Variants in ETV3 observed in about 807,000 individuals in gnomAD.
ETV3 encodes the protein ETS translocation variant 3.
ETV3 carries 8 observed loss-of-function variants against 33.0 expected under a neutral mutation model. The ratio of observed to expected loss-of-function variants is 0.24; its 90% CI spans 0.14 to 0.44. The LOEUF is 0.44. Ranked by LOEUF, ETV3 falls within the 20% of genes least tolerant of loss-of-function variation. The probability of loss-of-function intolerance (pLI) is 1.00; values close to 1 mark genes in which losing one functional copy is unlikely to be tolerated. For synonymous variants in ETV3, 222 were observed against 238.9 expected, an observed-to-expected ratio of 0.93 and a Z score of 0.65; for missense variants, 473 against 652.3, an observed-to-expected ratio of 0.73 and a Z score of 2.99.
At chr1:157,131,982 T>G (rs1260298464) in intron 4 of ETV3, among the ~76,000 whole-genome samples, 2 of 152,232 alleles carry the variant, frequency 1.3e-5, no homozygotes, top group Admixed American at 6.5e-5. Context: ...TGTGCTTTAT[T>G]GAGACTGAGT....
intron 4 of ETV3, 182 bp downstream of exon 4, chr1:157,133,930 G>T: frequency 7.0e-7 from 1 of 1,418,996 alleles, no homozygotes. Context: ...TCTTGATACT[G>T]AATAGCCTAT....
chr1:157,131,981 T>C (rs558520981), intron 4 of ETV3, among the ~76,000 whole-genome samples: 5 of 152,370 alleles, frequency 3.3e-5, no homozygotes, highest in Non-Finnish European at 7.3e-5. Flanking sequence ...TTGTGCTTTA[T>C]TGAGACTGAG....
chr1:157,135,111 A>C (rs1675067487), intron 3 of ETV3: 1 of 283,358 alleles, frequency 3.5e-6, no homozygotes, highest in African/African-American at 2.2e-5. Flanking sequence ...AGCCCAAAGA[A>C]AGAAATTCTA....
At chr1:157,136,574 T>G (rs1198063505) in intron 1 of ETV3, among the ~76,000 whole-genome samples, 1 of 152,196 alleles carries the variant, frequency 6.6e-6, no homozygotes, top group Non-Finnish European at 1.5e-5. Context: ...AAGCCATAAT[T>G]ATCTCTCACC....
At chr1:157,137,558 G>A (rs1276408702) in intron 1 of ETV3, among the ~76,000 whole-genome samples, 2 of 150,478 alleles carry the variant, frequency 1.3e-5, no homozygotes, top group Admixed American at 6.6e-5. Flanking sequence ...ACACACACGA[G>A]ATACATAATA....
At chr1:157,130,716 G>A (rs904161469) in intron 4 of ETV3, among the ~76,000 whole-genome samples, 1 of 152,120 alleles carries the variant, frequency 6.6e-6, no homozygotes, top group Non-Finnish European at 1.5e-5. Flanking sequence ...TTGTTATGAC[G>A]ATTAACAGTT....
chr1:157,133,374 G>C (rs1000678395), intron 4 of ETV3: 3 of 984,590 alleles, frequency 3.0e-6, no homozygotes, highest in African/African-American at 3.5e-5. Flanking sequence ...CAGATAAGGG[G>C]AACTACTGTA....
intron 1 of ETV3, among the ~76,000 whole-genome samples, chr1:157,137,959 G>C (rs926896606): frequency 1.3e-5 from 2 of 152,110 alleles, no homozygotes; most frequent in Admixed American, 6.5e-5. Context: ...TCCTCTGATC[G>C]CGACCACTCC....
chr1:157,135,276 A>G, intron 3 of ETV3, 195 bp downstream of exon 3: 2 of 680,238 alleles, frequency 2.9e-6, no homozygotes, highest in East Asian at 2.7e-5. Context: ...ACGTATAACC[A>G]AAGATATGCC....
At chr1:157,137,574 G>A (rs1249091081) in intron 1 of ETV3, among the ~76,000 whole-genome samples, 1 of 150,178 alleles carries the variant, frequency 6.7e-6, no homozygotes, top group Admixed American at 6.6e-5. Flanking sequence ...TAATAACGAG[G>A]CACCGGGGCT....
Position 157,121,740 on chromosome 1 carries a change from AC to A in ETV3, c.*3100del, listed in dbSNP as rs1459232915. 1.3e-4 allele frequency: 20 copies of A among 152,228 alleles called. No individual in the cohort carries two copies. The highest frequency in any genetic ancestry group is 4.8e-4 in the African/African-American group (20 of 41,448). 9.4% of individuals were successfully genotyped at this position (152,228 alleles called of 1,614,324 possible). A position where few individuals can be genotyped will look rare whatever the true frequency, so the allele number is the denominator to read the frequency against. On this transcript the variant is annotated 3_prime_UTR_variant, in exon 5 of 5. Coordinates refer to ENST00000368192, the MANE Select transcript of ETV3 (RefSeq NM_001145312.3). Reference sequence around the variant, plus strand: ...AAGGGACAAACAGCCAACTGACTCTACCCACTTGGTGAGAAGTGATATACTT... The same window carrying A: ...AAGGGACAAACAGCCAACTGACTCTACCACTTGGTGAGAAGTGATATACTT...
chr1:157,125,240 G>T lies in ETV3; in HGVS notation c.1140C>A (p.Ile380=), dbSNP rs1008335870. 6.4e-7 allele frequency: 1 copy of T among 1,552,130 alleles called. No individual in the cohort carries two copies. The highest frequency in any genetic ancestry group is 2.4e-5 in the East Asian group (1 of 40,930). ...CCTTTTCAGAGGCAGGTTCCACCTT[G>T]ATTCTTGGGGGAATAGAAGCCATGG... ...TPTMASIPPR[I]KVEPASEKDP... is the part of the protein sequence containing the mutation. The change falls in exon 5 of 5, where the codon ATC becomes ATA. Residue 380 remains isoleucine, a synonymous_variant. Coordinates refer to ENST00000368192, the MANE Select transcript of ETV3 (RefSeq NM_001145312.3). This position sits in a 1 kb window ranked among gnomAD's most constrained non-coding sequence, Gnocchi z 4.0.
chr1:157,136,385 C>A lies in ETV3; in HGVS notation c.-13-20G>T. On this transcript the variant is annotated intron_variant, in intron 1 of 4. Coordinates refer to ENST00000368192, the MANE Select transcript of ETV3 (RefSeq NM_001145312.3). The stretch of plus-strand genomic sequence containing the variant: ...CGCCTGCTGAGAGACACAAGCCACA[C>A]AATTACTTTAAGATGCTATTTATTT... 2 of 1,594,638 alleles carry A rather than the reference C, an allele frequency of 1.3e-6. No homozygotes were observed. The highest frequency in any genetic ancestry group is 1.7e-6 in the Non-Finnish European group (2 of 1,172,618).
At chr1:157,131,310 G>C (rs1457949187) in intron 4 of ETV3, among the ~76,000 whole-genome samples, 1 of 152,148 alleles carries the variant, frequency 6.6e-6, no homozygotes, top group Non-Finnish European at 1.5e-5. Context: ...TGTTATACAG[G>C]ATGCTTTTCA....
intron 1 of ETV3, 118 bp from the exon 2 acceptor site, chr1:157,136,483 C>CT: frequency 1.1e-6 from 1 of 878,562 alleles, no homozygotes; most frequent in Non-Finnish European, 1.7e-6. Context: ...CCGTATGCAA[C>CT]TCTCTTTCTT....
At chr1:157,137,619 T>G (rs1052638877) in intron 1 of ETV3, among the ~76,000 whole-genome samples, 9 of 150,380 alleles carry the variant, frequency 6.0e-5, no homozygotes, top group Admixed American at 1.3e-4. Flanking sequence ...TTAGTGACAA[T>G]GAGGGAGGAA....
chr1:157,126,660 G>T (rs1215648092), intron 4 of ETV3, among the ~76,000 whole-genome samples: 1 of 152,264 alleles, frequency 6.6e-6, no homozygotes, highest in Admixed American at 6.5e-5. Context: ...GGGATATGGG[G>T]AGGGACAGAG....
In ETV3 at chr1:157,121,622, T is replaced by C. The variant is rs985776514; in HGVS notation, c.*3219A>G. On this transcript the variant is annotated 3_prime_UTR_variant, in exon 5 of 5. Transcript: ENST00000368192. ...ATGGAACAGTTCTTGAAAGATTGAATCAAAGTTGTCTTCTAAACAAAATAA... is the reference window on the plus strand; with the variant it reads ...ATGGAACAGTTCTTGAAAGATTGAACCAAAGTTGTCTTCTAAACAAAATAA... 1 of 152,190 alleles carries C rather than the reference T, an allele frequency of 6.6e-6. No homozygotes were observed. The highest frequency in any genetic ancestry group is 1.5e-5 in the Non-Finnish European group (1 of 68,026). The allele number at this position is 152,190 out of a possible 1,614,324, so 9.4% of individuals were successfully genotyped here. A position where few individuals can be genotyped will look rare whatever the true frequency, so the allele number is the denominator to read the frequency against.
At chr1:157,132,464 T>C (rs1052521274) in intron 4 of ETV3, among the ~76,000 whole-genome samples, 1 of 152,232 alleles carries the variant, frequency 6.6e-6, no homozygotes, top group African/African-American at 2.4e-5. Flanking sequence ...GCTGAAGTTC[T>C]GGATTTTCAA....
Sources: allele counts gnomAD v4.1 joint callset (sites outside exome capture counted in the v4.1 genomes callset), GRCh38; gene constraint gnomAD v4.1.1; non-coding constraint Gnocchi (gnomAD v3.1); transcripts MANE v1.5; gene names NCBI Gene and HGNC (gene_info 2026-07-23, HGNC 2026-07-21).